NIPAL2: variants seen among roughly 807,000 people sequenced by gnomAD.
NIPAL2 encodes NIPA like domain containing 2.
In NIPAL2, 43 loss-of-function variants were observed where a neutral mutation model predicts 48.9. That is an observed-to-expected ratio of 0.88 (90% CI 0.69 to 1.13). The LOEUF (loss-of-function observed/expected upper bound fraction) is 1.13, where lower values mean the gene tolerates loss of function less well. NIPAL2 is among the 50% of genes most tolerant of loss of function. NIPAL2 has a pLI of 0.00. For synonymous variants in NIPAL2, 167 were observed against 174.6 expected (o/e 0.96, Z 0.34); for missense variants, 446 against 461.4 (o/e 0.97, Z 0.31).
chr8:98,194,730 G>A lies in NIPAL2; in HGVS notation c.1037C>T (p.Pro346Leu). ...CTATAAAGAATATATGATTTTACCA[G>A]GAATATTTCCAAAATCAATATAAGA... ...QQSYIDFGNI[P>L]GKQMLDKIQP... Residue 346 changes from proline (P) to leucine (L), a missense_variant and splice_region_variant, in exon 10 of 11, where the codon CCT (proline) becomes CTT (leucine). Coordinates refer to ENST00000430223, the MANE Select transcript of NIPAL2 (RefSeq NM_001321635.2). 1.3e-6 allele frequency: 2 copies of A among 1,525,154 alleles called. No homozygotes were observed. Among genetic ancestry groups the A allele is most frequent in the Non-Finnish European group, 1.8e-6 (2 of 1,132,720 alleles). The allele number at this position is 1,525,154 out of a possible 1,614,324, so 94.5% of individuals were successfully genotyped here.
At chr8:98,288,012 C>A (rs903104899) in intron 1 of NIPAL2, among the ~76,000 whole-genome samples, 5 of 152,114 alleles carry the variant, frequency 3.3e-5, no homozygotes, top group Admixed American at 2.6e-4. Flanking sequence ...CATAGCAATG[C>A]TAGTATTATT....
intron 6 of NIPAL2, among the ~76,000 whole-genome samples, chr8:98,210,677 A>G (rs909992924): frequency 2.6e-5 from 4 of 152,192 alleles, no homozygotes; most frequent in African/African-American, 9.6e-5. Context: ...CCATGAGCTG[A>G]GAGAAGTCTC....
intron 1 of NIPAL2, among the ~76,000 whole-genome samples, chr8:98,257,885 C>T (rs370148134): frequency 2.7e-5 from 4 of 150,562 alleles, no homozygotes; most frequent in African/African-American, 9.7e-5. Flanking sequence ...CCAGTTGTTC[C>T]GCCTTTCTAG....
intron 1 of NIPAL2, among the ~76,000 whole-genome samples, chr8:98,254,363 G>C (rs933608385): frequency 6.6e-6 from 1 of 151,954 alleles, no homozygotes; most frequent in African/African-American, 2.4e-5. Flanking sequence ...ATAGTTATTC[G>C]GGTTTTTCCA....
chr8:98,285,439 C>T (rs1279903927), intron 1 of NIPAL2, among the ~76,000 whole-genome samples: 2 of 152,158 alleles, frequency 1.3e-5, no homozygotes, highest in African/African-American at 2.4e-5. Flanking sequence ...TTAACATCAT[C>T]CAATCAGACT....
intron 4 of NIPAL2, among the ~76,000 whole-genome samples, chr8:98,229,115 G>A (rs985798130): frequency 1.3e-5 from 2 of 152,126 alleles, no homozygotes; most frequent in African/African-American, 4.8e-5. Context: ...CACAATGCAG[G>A]CATGGGATGC....
chr8:98,199,556 A>G (rs1372585428), intron 8 of NIPAL2, among the ~76,000 whole-genome samples: 1 of 152,142 alleles, frequency 6.6e-6, no homozygotes, highest in Non-Finnish European at 1.5e-5. Context: ...CAGAACACAT[A>G]CATTTATTGA....
chr8:98,256,307 G>A (rs1813888833), intron 1 of NIPAL2, among the ~76,000 whole-genome samples: 1 of 152,176 alleles, frequency 6.6e-6, no homozygotes, highest in African/African-American at 2.4e-5. Context: ...ACAGGCATGA[G>A]CCACCATGCC....
At chr8:98,279,270 C>A (rs373640917) in intron 1 of NIPAL2, among the ~76,000 whole-genome samples, 67 of 152,176 alleles carry the variant, frequency 4.4e-4, no homozygotes, top group African/African-American at 1.6e-3. Context: ...CTTGAGGTAA[C>A]CATTACTAAA....
intron 1 of NIPAL2, 138 bp downstream of exon 1, chr8:98,293,865 T>C: frequency 2.5e-6 from 2 of 794,140 alleles, no homozygotes; most frequent in South Asian, 5.9e-5. Flanking sequence ...AAACATTGCA[T>C]GTCACCTCTT....
chr8:98,232,016 T>G (rs1901365), intron 4 of NIPAL2, among the ~76,000 whole-genome samples: 114,927 of 151,936 alleles, frequency 0.76, 44,172 homozygotes, highest in South Asian at 0.83. Flanking sequence ...AAAAATTTTT[T>G]TTTTGCTTTT....
At chr8:98,241,817 C>G (rs2443568) in intron 3 of NIPAL2, among the ~76,000 whole-genome samples, 1 of 152,074 alleles carries the variant, frequency 6.6e-6, no homozygotes. Flanking sequence ...GGGTTTGACA[C>G]GGAATAATTA....
chr8:98,245,621 G>C (rs755021252), intron 3 of NIPAL2, among the ~76,000 whole-genome samples: 33 of 152,148 alleles, frequency 2.2e-4, no homozygotes, highest in Non-Finnish European at 3.7e-4. Flanking sequence ...AAGTTGAAAA[G>C]ACTCCAAAAA....
intron 1 of NIPAL2, among the ~76,000 whole-genome samples, chr8:98,257,351 T>TC (rs1813960208): frequency 5.1e-5 from 1 of 19,438 alleles, no homozygotes; most frequent in African/African-American, 6.4e-5. Context: ...TTCTTTCTTT[T>TC]TTTTTTTTTT....
At chr8:98,194,703 C>T in intron 10 of NIPAL2, 25 bp downstream of exon 10, 1 of 1,331,596 alleles carries the variant, frequency 7.5e-7, no homozygotes, top group South Asian at 1.5e-5. Context: ...TCAAATTTTC[C>T]ACTATAAAGA....
chr8:98,211,866 A>G (rs1018071294), intron 6 of NIPAL2, among the ~76,000 whole-genome samples: 1 of 152,010 alleles, frequency 6.6e-6, no homozygotes, highest in Non-Finnish European at 1.5e-5. Flanking sequence ...CATTAAAAAT[A>G]CATAGTGGGC....
At chr8:98,282,340 C>A (rs1007926936) in intron 1 of NIPAL2, among the ~76,000 whole-genome samples, 7 of 152,102 alleles carry the variant, frequency 4.6e-5, no homozygotes, top group African/African-American at 1.7e-4. Context: ...CACAAAGATA[C>A]AAACTAGAGA....
chr8:98,192,668 C>T lies in NIPAL2; in HGVS notation c.*310G>A, dbSNP rs539055293. 9 of 292,534 alleles carry T rather than the reference C, an allele frequency of 3.1e-5. No homozygotes were observed. In the South Asian group the frequency reaches 6.0e-4, roughly 19 times the overall value. 18.1% of individuals were successfully genotyped at this position (292,534 alleles called of 1,614,324 possible). On this transcript the variant is annotated 3_prime_UTR_variant, in exon 11 of 11. Coordinates refer to ENST00000430223, the MANE Select transcript of NIPAL2 (RefSeq NM_001321635.2). ...CCACCTATGCGACCTGTGGCCAAAC[C>T]GCAAATGTATGTTTCTGTGCAACAT...
chr8:98,228,229 G>A (rs1435104730), intron 4 of NIPAL2, among the ~76,000 whole-genome samples: 1 of 152,202 alleles, frequency 6.6e-6, no homozygotes, highest in East Asian at 1.9e-4. Context: ...TTACGAAGGT[G>A]CTTTTTTCGT....
Sources: gnomAD v4.1 joint callset for allele counts (sites outside exome capture counted in the v4.1 genomes callset) on GRCh38, gnomAD v4.1.1 for gene constraint, MANE v1.5 for transcripts, NCBI Gene and HGNC (gene_info 2026-07-23, HGNC 2026-07-21) for gene names.